The following NPAT variants were observed in gnomAD, a reference collection of about 807,000 sequenced individuals.
The protein encoded by NPAT is protein NPAT.
NPAT carries 52 observed loss-of-function variants against 130.7 expected under a neutral mutation model. That is an observed-to-expected ratio of 0.40 (90% CI 0.32 to 0.50). The LOEUF is 0.50. Ranked by LOEUF, NPAT falls within the 20% of genes least tolerant of loss-of-function variation. The pLI is 0.68. For synonymous variants in NPAT, 580 were observed against 584.8 expected (o/e 0.99, Z 0.12); for missense variants, 1,687 against 1,662.6 (o/e 1.01, Z -0.26).
At chr11:108,164,510 A>G (rs756253204) in intron 15 of NPAT, among the ~76,000 whole-genome samples, 3 of 152,224 alleles carry the variant, frequency 2.0e-5, no homozygotes, top group Non-Finnish European at 4.4e-5. Flanking sequence ...GTGAATCCGG[A>G]AAGAAGACAC....
Position 108,161,318 on chromosome 11 carries a change from T to C in NPAT, c.3768A>G (p.Val1256=). 6.2e-7 allele frequency: 1 copy of C among 1,614,232 alleles called. No homozygotes were observed. Residue 1256 remains valine, a synonymous_variant, in exon 17 of 18, where the codon GTA becomes GTG. Coordinates refer to ENST00000278612, the MANE Select transcript of NPAT (RefSeq NM_002519.3). ...AATCACTACTATCAGCAAGCCTACT[T>C]ACTGAGCTGTGCCTCTGTATATCCT... is the stretch of plus-strand genomic sequence containing the variant. The part of the protein sequence containing the change: ...MLQDIQRHSS[V]SRLADSSDLP...
intron 8 of NPAT, 93 bp from the exon 9 acceptor site, chr11:108,185,587 T>G (rs2078099611): frequency 1.2e-6 from 1 of 856,704 alleles, no homozygotes; most frequent in Non-Finnish European, 1.9e-6. Context: ...AAGAGCTGGA[T>G]AGTTTTAATA....
intron 1 of NPAT, among the ~76,000 whole-genome samples, chr11:108,220,070 T>C (rs2078469267): frequency 6.6e-6 from 1 of 152,166 alleles, no homozygotes. Flanking sequence ...TGTTAGGAAG[T>C]TGAGATCAAG....
intron 8 of NPAT, 60 bp downstream of exon 8, chr11:108,186,422 A>AT (rs1591399815): frequency 8.3e-7 from 1 of 1,209,994 alleles, no homozygotes; most frequent in African/African-American, 1.5e-5. Context: ...ATTTGTGTAT[A>AT]TATCTGTATT....
chr11:108,198,756 C>A (rs2078247823), intron 1 of NPAT, among the ~76,000 whole-genome samples: 2 of 152,176 alleles, frequency 1.3e-5, no homozygotes, highest in African/African-American at 4.8e-5. Context: ...TGGGGACTAC[C>A]TGCCTTTGGA....
chr11:108,214,909 A>T (rs1168306643), intron 1 of NPAT, among the ~76,000 whole-genome samples: 2 of 152,326 alleles, frequency 1.3e-5, no homozygotes, highest in African/African-American at 2.4e-5. Context: ...CTGGGATTAC[A>T]CGCGTGAGCC....
chr11:108,169,437 G>A (rs182010513), intron 15 of NPAT, among the ~76,000 whole-genome samples: 58 of 152,212 alleles, frequency 3.8e-4, no homozygotes, highest in Middle Eastern at 3.4e-3. Context: ...ACAATTATAC[G>A]AGGCATTCAT....
At chr11:108,167,729 T>G (rs980658300) in intron 15 of NPAT, among the ~76,000 whole-genome samples, 1 of 152,230 alleles carries the variant, frequency 6.6e-6, no homozygotes, top group Non-Finnish European at 1.5e-5. Flanking sequence ...TTACTATAGA[T>G]AGCCTTTAAG....
intron 1 of NPAT, among the ~76,000 whole-genome samples, chr11:108,212,889 T>G (rs898070174): frequency 7.9e-5 from 10 of 127,032 alleles, no homozygotes; most frequent in African/African-American, 3.1e-5. Flanking sequence ...GAGGTTGCAA[T>G]GAGCCGAGAT....
Position 108,177,853 on chromosome 11 carries a change from T to A in NPAT, c.907-763A>T, listed in dbSNP as rs189521160. On this transcript the variant is annotated intron_variant, in intron 10 of 17. Transcript: ENST00000278612. ...CTCTCACCTCAGCCTTCTGAGTAGC[T>A]GAAACTACACATGTGTGCCACCACA... Among the ~76,000 whole-genome samples, 11 of 152,222 alleles carry A rather than the reference T, an allele frequency of 7.2e-5. No individual in the cohort carries two copies. The East Asian group carries it at 2.1e-3, about 29-fold the overall frequency.
intron 1 of NPAT, among the ~76,000 whole-genome samples, chr11:108,217,059 C>T (rs1253169142): frequency 6.6e-6 from 1 of 152,160 alleles, no homozygotes; most frequent in Non-Finnish European, 1.5e-5. Context: ...GTGGAGTTTA[C>T]ACATTTTCCC....
intron 5 of NPAT, 142 bp downstream of exon 5, chr11:108,190,318 A>C (rs1275555920): frequency 2.5e-4 from 95 of 376,458 alleles, no homozygotes; most frequent in Middle Eastern, 9.1e-4. Context: ...GTCTCAAAAA[A>C]AAAAAAAAAA....
intron 1 of NPAT, among the ~76,000 whole-genome samples, chr11:108,219,120 G>A (rs2134908782): frequency 6.6e-6 from 1 of 152,288 alleles, no homozygotes; most frequent in African/African-American, 2.4e-5. Context: ...TATAGGCAAT[G>A]TTCCCCAAGC....
In NPAT at chr11:108,220,472, G is replaced by C. The variant is rs541185282; in HGVS notation, c.37+2028C>G. ...AAACCTAATTATCTGAACACTAAGG[G>C]GAGAAAACTTAACTTCTCTATGTTC... On this transcript the variant is annotated intron_variant, in intron 1 of 17. Coordinates refer to ENST00000278612, the MANE Select transcript of NPAT (RefSeq NM_002519.3). Among the ~76,000 whole-genome samples, 109 of 152,138 alleles carry C rather than the reference G, an allele frequency of 7.2e-4. 1 individual carries two copies. The highest frequency in any genetic ancestry group is 2.5e-3 in the African/African-American group (103 of 41,516).
At chr11:108,213,879 C>A (rs1232729712) in intron 1 of NPAT, among the ~76,000 whole-genome samples, 2 of 152,112 alleles carry the variant, frequency 1.3e-5, no homozygotes, top group African/African-American at 4.8e-5. Context: ...GGAATCCAGA[C>A]ATTTATGGTC....
Position 108,216,491 on chromosome 11 carries a change from T to C in NPAT, c.37+6009A>G, listed in dbSNP as rs116259142. On this transcript the variant is annotated intron_variant, in intron 1 of 17. Coordinates refer to ENST00000278612, the MANE Select transcript of NPAT (RefSeq NM_002519.3). ...TTCATGACACTAAAACATTAAACTTTCGTGTGGGGAGGAGAGGAGGGTCAG... is the reference window on the plus strand; with the variant it reads ...TTCATGACACTAAAACATTAAACTTCCGTGTGGGGAGGAGAGGAGGGTCAG... Among the ~76,000 whole-genome samples the C allele has an allele frequency of 6.9e-3, 1,044 of 151,736 alleles. 17 individuals carry two copies. The highest frequency in any genetic ancestry group is 0.023 in the African/African-American group (965 of 41,384).
At chr11:108,186,377 C>A in intron 8 of NPAT, 105 bp downstream of exon 8, 1 of 831,010 alleles carries the variant, frequency 1.2e-6, no homozygotes, top group Non-Finnish European at 2.0e-6. Context: ...AAACTTACTC[C>A]TGTTTCTTTA....
Position 108,157,829 on chromosome 11 carries a change from G to A in NPAT, c.*1113C>T, listed in dbSNP as rs1293827570. The A allele has an allele frequency of 6.6e-6, 1 of 152,470 alleles. No homozygotes were observed. Among genetic ancestry groups the A allele is most frequent in the Non-Finnish European group, 1.5e-5 (1 of 67,934 alleles). The allele number at this position is 152,470 out of a possible 1,614,324, so 9.4% of individuals were successfully genotyped here. The stretch of plus-strand genomic sequence containing the variant: ...TCTTCAACTGGACTGATGTGTGTGA[G>A]TCTAATACAGAGAAGGCACCTCTCT... On this transcript the variant is annotated 3_prime_UTR_variant, in exon 18 of 18. Transcript: ENST00000278612.
intron 12 of NPAT, among the ~76,000 whole-genome samples, chr11:108,175,937 G>GT (rs1184897485): frequency 2.0e-5 from 3 of 152,132 alleles, no homozygotes; most frequent in Admixed American, 2.0e-4. Context: ...TGGGAGCATC[G>GT]TTTGAGGCTG....
Sources: gnomAD v4.1 joint callset for allele counts (sites outside exome capture counted in the v4.1 genomes callset) on GRCh38, gnomAD v4.1.1 for gene constraint, MANE v1.5 for transcripts, NCBI Gene and HGNC (gene_info 2026-07-23, HGNC 2026-07-21) for gene names.